The following TSPAN13 variants were observed in gnomAD, a reference collection of about 807,000 sequenced individuals.
TSPAN13 encodes the protein tetraspanin 13.
Under a neutral mutation model 26.9 loss-of-function variants are expected in TSPAN13, and 18 were observed. That is an observed-to-expected ratio of 0.67 (90% CI 0.46 to 0.99). The LOEUF (loss-of-function observed/expected upper bound fraction) is 0.99. Ranked by LOEUF, TSPAN13 falls within the 50% of genes least tolerant of loss-of-function variation. The pLI, the probability that TSPAN13 is intolerant of heterozygous loss-of-function variation, is 0.00. For missense variants in TSPAN13, 201 were observed against 249.6 expected, an observed-to-expected ratio of 0.81 and a Z score of 1.31; for synonymous variants, 116 against 98.4, an observed-to-expected ratio of 1.18 and a Z score of -1.06.
chr7:16,783,292 CT>C, intron 5 of TSPAN13, 124 bp from the exon 6 acceptor site: 1 of 909,994 alleles, frequency 1.1e-6, no homozygotes, highest in Non-Finnish European at 1.6e-6. Context: ...AAAAAAATCT[CT>C]CCCCGTTGAA....
intron 1 of TSPAN13, among the ~76,000 whole-genome samples, chr7:16,770,877 T>C (rs1321708454): frequency 6.6e-6 from 1 of 152,266 alleles, no homozygotes; most frequent in Non-Finnish European, 1.5e-5. Flanking sequence ...AGCATGGGCA[T>C]GATAGGCTCT....
At position 16,783,656 on chromosome 7, in the gene TSPAN13, T is replaced by G; in HGVS notation, c.*165T>G. Reference sequence around the variant, plus strand: ...ACTCTATGTTTCTCTACATGTTTTTTTCTTTCCGTTGCTGAAAAATATTTG... The same window carrying G: ...ACTCTATGTTTCTCTACATGTTTTTGTCTTTCCGTTGCTGAAAAATATTTG... On this transcript the variant is annotated 3_prime_UTR_variant, in exon 6 of 6. Coordinates refer to ENST00000262067, the MANE Select transcript of TSPAN13 (RefSeq NM_014399.4). 1 of 675,166 alleles carries G rather than the reference T, an allele frequency of 1.5e-6. No homozygotes were observed. The highest frequency in any genetic ancestry group is 2.5e-6 in the Non-Finnish European group (1 of 407,630). The allele number at this position is 675,166 out of a possible 1,614,324, so 41.8% of individuals were successfully genotyped here. A position where few individuals can be genotyped will look rare whatever the true frequency, so the allele number is the denominator to read the frequency against.
intron 1 of TSPAN13, among the ~76,000 whole-genome samples, chr7:16,761,690 ATTTTT>A (rs35451307): frequency 2.2e-3 from 206 of 93,332 alleles, no homozygotes; most frequent in African/African-American, 8.1e-3. Context: ...CAGCTAATTA[ATTTTT>A]TTTTTTTTTT....
intron 5 of TSPAN13, 136 bp from the exon 6 acceptor site, chr7:16,783,281 A>T: frequency 1.2e-6 from 1 of 834,140 alleles, no homozygotes; most frequent in Non-Finnish European, 1.8e-6. Context: ...TTTCAAAAAG[A>T]AAAAAAATCT....
rs145313596 is a variant in TSPAN13, at chr7:16,779,598, C to G, written c.540+482C>G. Among the ~76,000 whole-genome samples, 13 of 151,738 alleles carry G rather than the reference C, an allele frequency of 8.6e-5. No individual in the cohort carries two copies. In the East Asian group the frequency reaches 1.9e-3, roughly 23 times the overall value. ...GCCTTCTAAAACCTATGCATAATGT[C>G]TATATGTGTATAATGTATTGTGTAT... is the stretch of plus-strand genomic sequence containing the variant. On this transcript the variant is annotated intron_variant, in intron 5 of 5. Transcript: ENST00000262067.
rs1427675740 is a variant in TSPAN13 at position 16,783,841 on chromosome 7, T to C, written c.*350T>C. The C allele has an allele frequency of 7.7e-6, 2 of 260,170 alleles. No individual in the cohort carries two copies. The highest frequency in any genetic ancestry group is 4.3e-5 in the African/African-American group (2 of 46,056). 16.1% of individuals were successfully genotyped at this position (260,170 alleles called of 1,614,324 possible). On this transcript the variant is annotated 3_prime_UTR_variant, in exon 6 of 6. Coordinates refer to ENST00000262067, the MANE Select transcript of TSPAN13 (RefSeq NM_014399.4). ...TGAATCTGAACGTACATCTCACTGG[T>C]ATAATTATATGTAGCACTGTGCTGT...
chr7:16,776,520 A>C, intron 2 of TSPAN13, 142 bp downstream of exon 2: 1 of 781,820 alleles, frequency 1.3e-6, no homozygotes, highest in Non-Finnish European at 2.0e-6. Context: ...ACTATTAGAA[A>C]CATTTCTTAG....
In TSPAN13 at chr7:16,784,416, T is replaced by C. The variant is rs1306667551; in HGVS notation, c.*925T>C. 1 of 152,184 alleles carries C rather than the reference T, an allele frequency of 6.6e-6. No individual in the cohort carries two copies. The highest frequency in any genetic ancestry group is 6.5e-5 in the Admixed American group (1 of 15,276). 9.4% of individuals were successfully genotyped at this position (152,184 alleles called of 1,614,324 possible). A position where few individuals can be genotyped will look rare whatever the true frequency, so the allele number is the denominator to read the frequency against. On this transcript the variant is annotated 3_prime_UTR_variant, in exon 6 of 6. Transcript: ENST00000262067. Reference sequence around the variant, plus strand: ...ATATTTGAATATGATCTCCCATAATTTGAAATTGAAATCGTATTGTGTGGC... The same window carrying C: ...ATATTTGAATATGATCTCCCATAATCTGAAATTGAAATCGTATTGTGTGGC...
In TSPAN13 at chr7:16,777,093, G is replaced by A. The variant is rs763710458; in HGVS notation, c.283G>A (p.Ala95Thr). The A allele has an allele frequency of 8.1e-6, 13 of 1,613,310 alleles. No individual in the cohort carries two copies. Among genetic ancestry groups the A allele is most frequent in the East Asian group, 2.2e-5 (1 of 44,842 alleles). Residue 95 changes from alanine to threonine, a missense_variant, in exon 3 of 6, where the codon GCT (alanine) becomes ACT (threonine). Transcript: ENST00000262067. ...TATTGTTCAGTTTTCTGTATCTTGCGCTTGTTTAGCCCTGAACCAGGAGCA... is the reference window on the plus strand; with the variant it reads ...TATTGTTCAGTTTTCTGTATCTTGCACTTGTTTAGCCCTGAACCAGGAGCA... ...VFIVQFSVSC[A>T]CLALNQEQQG...
chr7:16,762,365 C>T (rs1784552147), intron 1 of TSPAN13, among the ~76,000 whole-genome samples: 1 of 152,140 alleles, frequency 6.6e-6, no homozygotes, highest in Non-Finnish European at 1.5e-5. Flanking sequence ...ATAACATGGG[C>T]CTTGATTGTC....
chr7:16,757,305 A>G (rs1784490552), intron 1 of TSPAN13, among the ~76,000 whole-genome samples: 1 of 152,214 alleles, frequency 6.6e-6, no homozygotes, highest in Non-Finnish European at 1.5e-5. Context: ...CTTATTTTTA[A>G]TAGTTTATAG....
chr7:16,754,675 C>A (rs143162538), intron 1 of TSPAN13, among the ~76,000 whole-genome samples: 1 of 152,240 alleles, frequency 6.6e-6, no homozygotes, highest in African/African-American at 2.4e-5. Flanking sequence ...TGATCAATAT[C>A]CTAACTCCAT....
At chr7:16,754,811 T>G (rs1784464300) in intron 1 of TSPAN13, among the ~76,000 whole-genome samples, 1 of 152,192 alleles carries the variant, frequency 6.6e-6, no homozygotes, top group Non-Finnish European at 1.5e-5. Flanking sequence ...GGCGCAATTC[T>G]GGGTGAACAG....
At chr7:16,769,622 T>C (rs1784651602) in intron 1 of TSPAN13, among the ~76,000 whole-genome samples, 1 of 152,196 alleles carries the variant, frequency 6.6e-6, no homozygotes, top group Non-Finnish European at 1.5e-5. Context: ...TTTTGTGTAT[T>C]GATTCTGTTT....
chr7:16,755,198 C>A (rs924377366), intron 1 of TSPAN13, among the ~76,000 whole-genome samples: 9 of 152,188 alleles, frequency 5.9e-5, no homozygotes, highest in African/African-American at 2.2e-4. Context: ...GCCATCTGTG[C>A]AAGCTTAGAT....
intron 1 of TSPAN13, among the ~76,000 whole-genome samples, chr7:16,762,536 G>C (rs949946072): frequency 6.6e-6 from 1 of 152,216 alleles, no homozygotes. Context: ...ACAAAGGACA[G>C]CCAGCATAGA....
chr7:16,770,609 A>G (rs1784663403), intron 1 of TSPAN13, among the ~76,000 whole-genome samples: 1 of 151,838 alleles, frequency 6.6e-6, no homozygotes, highest in Non-Finnish European at 1.5e-5. Flanking sequence ...TTCTTTTGTT[A>G]TATTTGTCAT....
intron 2 of TSPAN13, 44 bp from the exon 3 acceptor site, chr7:16,776,998 C>A: frequency 7.2e-7 from 1 of 1,382,148 alleles, no homozygotes; most frequent in South Asian, 1.2e-5. Flanking sequence ...TGTTTTATGC[C>A]ATTCTAAGAA....
chr7:16,777,010 A>G, intron 2 of TSPAN13, 32 bp from the exon 3 acceptor site: 1 of 1,467,568 alleles, frequency 6.8e-7, no homozygotes, highest in Non-Finnish European at 9.5e-7. Flanking sequence ...TTCTAAGAAT[A>G]TTTAGAAGTA....
Sources: gnomAD v4.1 joint callset for allele counts (sites outside exome capture counted in the v4.1 genomes callset) on GRCh38, gnomAD v4.1.1 for gene constraint, MANE v1.5 for transcripts, NCBI Gene and HGNC (gene_info 2026-07-23, HGNC 2026-07-21) for gene names.